Variants in ITGA9 observed in about 807,000 individuals in gnomAD.
The protein encoded by ITGA9 is integrin subunit alpha 9.
In ITGA9, 56 loss-of-function variants were observed where a neutral mutation model predicts 127.8. The ratio of observed to expected loss-of-function variants is 0.44; its 90% confidence interval spans 0.35 to 0.55. The LOEUF is 0.55. Ranked by LOEUF, ITGA9 falls within the 20% of genes least tolerant of loss-of-function variation. ITGA9 has a pLI of 0.00. For synonymous variants in ITGA9, 508 were observed against 514.5 expected, an observed-to-expected ratio of 0.99 and a Z score of 0.17; for missense variants, 1,196 against 1,347.1, an observed-to-expected ratio of 0.89 and a Z score of 1.76.
At chr3:37,707,032 C>T (rs1361322015) in intron 18 of ITGA9, among the ~76,000 whole-genome samples, 1 of 152,132 alleles carries the variant, frequency 6.6e-6, no homozygotes, top group Non-Finnish European at 1.5e-5. Context: ...TTAAGAAAAA[C>T]ATTAAATCTA....
At chr3:37,711,217 G>A (rs1009960180) in intron 18 of ITGA9, among the ~76,000 whole-genome samples, 7 of 152,164 alleles carry the variant, frequency 4.6e-5, no homozygotes, top group African/African-American at 1.7e-4. Flanking sequence ...AGGAGGATGA[G>A]GGTTTGTACC....
At chr3:37,712,120 C>T (rs1410104879) in intron 18 of ITGA9, among the ~76,000 whole-genome samples, 1 of 151,492 alleles carries the variant, frequency 6.6e-6, no homozygotes, top group Non-Finnish European at 1.5e-5. Flanking sequence ...GAACATACCT[C>T]CTATGCGGCA....
At chr3:37,556,446 T>A (rs1699431766) in intron 15 of ITGA9, among the ~76,000 whole-genome samples, 1 of 152,064 alleles carries the variant, frequency 6.6e-6, no homozygotes, top group Admixed American at 6.5e-5. Flanking sequence ...AAATAAGAAA[T>A]GTGGGAAGAG....
At chr3:37,687,998 C>T (rs1700797632) in intron 18 of ITGA9, among the ~76,000 whole-genome samples, 1 of 152,250 alleles carries the variant, frequency 6.6e-6, no homozygotes, top group Admixed American at 6.5e-5. Flanking sequence ...ACAAACCTCA[C>T]ATCCACTTCA....
At chr3:37,505,142 A>C (rs1190661200) in intron 6 of ITGA9, among the ~76,000 whole-genome samples, 1 of 151,710 alleles carries the variant, frequency 6.6e-6, no homozygotes, top group East Asian at 1.9e-4. Flanking sequence ...TTCTTGTAGG[A>C]GGGAGTGTGG....
chr3:37,545,074 C>G (rs949820658), intron 15 of ITGA9, among the ~76,000 whole-genome samples: 1 of 152,092 alleles, frequency 6.6e-6, no homozygotes, highest in African/African-American at 2.4e-5. Flanking sequence ...AGGCAGGAAG[C>G]AAGGATGAGG....
intron 4 of ITGA9, 125 bp downstream of exon 4, chr3:37,481,732 C>A (rs563641784): frequency 1.5e-6 from 2 of 1,303,364 alleles, no homozygotes; most frequent in Non-Finnish European, 2.2e-6. Context: ...TAGGGCAGCA[C>A]TGTTTGCTCC....
chr3:37,695,840 TAATAA>T (rs1338090709), intron 18 of ITGA9, among the ~76,000 whole-genome samples: 2 of 152,256 alleles, frequency 1.3e-5, no homozygotes, highest in African/African-American at 4.8e-5. Context: ...TCTTTGGTAA[TAATAA>T]AATAAGAAAT....
At chr3:37,484,819 C>G (rs1579056725) in intron 4 of ITGA9, among the ~76,000 whole-genome samples, 1 of 152,136 alleles carries the variant, frequency 6.6e-6, no homozygotes, top group East Asian at 1.9e-4. Flanking sequence ...CCTCAAGGGT[C>G]TATGAAGAGG....
intron 15 of ITGA9, among the ~76,000 whole-genome samples, chr3:37,554,840 A>AG (rs1699414757): frequency 6.6e-6 from 1 of 152,160 alleles, no homozygotes. Flanking sequence ...GCAGGTTGAA[A>AG]GGGGGAAGAT....
chr3:37,611,425 A>G (rs1053803586), intron 15 of ITGA9, among the ~76,000 whole-genome samples: 5 of 152,178 alleles, frequency 3.3e-5, no homozygotes, highest in African/African-American at 9.7e-5. Flanking sequence ...CTTGGATCCA[A>G]TATGGTGGCC....
At chr3:37,529,316 G>A (rs1218192925) in intron 13 of ITGA9, among the ~76,000 whole-genome samples, 7 of 152,120 alleles carry the variant, frequency 4.6e-5, no homozygotes, top group Admixed American at 4.6e-4. Flanking sequence ...CTAAGGCAGG[G>A]TTACTTGGTC....
intron 18 of ITGA9, among the ~76,000 whole-genome samples, chr3:37,728,835 G>A (rs1455264132): frequency 6.6e-6 from 1 of 151,550 alleles, no homozygotes; most frequent in Non-Finnish European, 1.5e-5. Flanking sequence ...CTCATGAAGG[G>A]GATTTATTGG....
intron 15 of ITGA9, among the ~76,000 whole-genome samples, chr3:37,614,835 A>T (rs1340869734): frequency 1.3e-5 from 2 of 152,188 alleles, no homozygotes; most frequent in African/African-American, 2.4e-5. Flanking sequence ...GACTTTGCTG[A>T]AGTTGCTTAT....
intron 18 of ITGA9, among the ~76,000 whole-genome samples, chr3:37,689,590 G>A (rs546065381): frequency 3.3e-5 from 5 of 152,234 alleles, no homozygotes; most frequent in East Asian, 1.9e-4. Flanking sequence ...TCCTGGGGCC[G>A]GGGGGTGCTG....
chr3:37,680,666 C>A (rs577999597), intron 17 of ITGA9, among the ~76,000 whole-genome samples: 1 of 152,304 alleles, frequency 6.6e-6, no homozygotes, highest in Non-Finnish European at 1.5e-5. Flanking sequence ...GCCAAATATT[C>A]CATGGAAACC....
At chr3:37,674,276 T>C (rs1450095959) in intron 17 of ITGA9, among the ~76,000 whole-genome samples, 1 of 152,252 alleles carries the variant, frequency 6.6e-6, no homozygotes, top group East Asian at 1.9e-4. Context: ...TAGACTTAAC[T>C]GTAAAAGCTC....
intron 15 of ITGA9, among the ~76,000 whole-genome samples, chr3:37,575,702 C>T (rs1469218481): frequency 6.6e-6 from 1 of 152,002 alleles, no homozygotes; most frequent in Non-Finnish European, 1.5e-5. Flanking sequence ...GTTGAGTGCC[C>T]AGGTCATCCT....
chr3:37,728,283 C>T (rs1696242424), intron 18 of ITGA9, among the ~76,000 whole-genome samples: 1 of 152,228 alleles, frequency 6.6e-6, no homozygotes, highest in Admixed American at 6.5e-5. Context: ...CAACTCCCAA[C>T]CAGAGCGCTC....
Sources: allele counts gnomAD v4.1 joint callset (sites outside exome capture counted in the v4.1 genomes callset), GRCh38; gene constraint gnomAD v4.1.1; transcripts MANE v1.5; gene names NCBI Gene and HGNC (gene_info 2026-07-23, HGNC 2026-07-21).